The following SRD5A2 variants were observed in gnomAD, a reference collection of about 807,000 sequenced individuals.
The protein encoded by SRD5A2 is 3-oxo-5-alpha-steroid 4-dehydrogenase 2.
In SRD5A2, 30 loss-of-function variants were observed where a neutral mutation model predicts 27.4. The observed-to-expected ratio is 1.10, with a 90% CI of 0.82 to 1.49. The LOEUF (loss-of-function observed/expected upper bound fraction) is 1.49. Ranked by LOEUF, SRD5A2 falls within the 40% of genes most tolerant of loss-of-function variation. SRD5A2 has a pLI of 0.00. For missense variants in SRD5A2, 348 were observed against 323.4 expected, an observed-to-expected ratio of 1.08 and a Z score of -0.58; for synonymous variants, 141 against 133.6, an observed-to-expected ratio of 1.06 and a Z score of -0.38.
At chr2:31,627,335 T>C in the SRD5A2 span, among the ~76,000 whole-genome samples, 1 of 149,902 alleles carries the variant, frequency 6.7e-6, no homozygotes, top group Non-Finnish European at 1.5e-5. Flanking sequence ...TCTGATTGCA[T>C]TTAATTGCAT....
At chr2:31,587,406 A>AT in the SRD5A2 span, among the ~76,000 whole-genome samples, 4 of 152,224 alleles carry the variant, frequency 2.6e-5, no homozygotes, top group Non-Finnish European at 5.9e-5. Context: ...ATTACTGGGT[A>AT]TGTACCCAAA....
the SRD5A2 span, among the ~76,000 whole-genome samples, chr2:31,593,897 C>A: frequency 3.3e-5 from 5 of 152,128 alleles, no homozygotes; most frequent in Non-Finnish European, 5.9e-5. Context: ...TCTTTAGCCT[C>A]CTTAAACAAA....
chr2:31,553,231 G>A (rs766783634), intron 1 of SRD5A2, among the ~76,000 whole-genome samples: 11 of 151,928 alleles, frequency 7.2e-5, no homozygotes, highest in Non-Finnish European at 1.3e-4. Context: ...AGTTATAAGT[G>A]CAAAAGAAAA....
At chr2:31,662,542 GC>G in the SRD5A2 span, among the ~76,000 whole-genome samples, 1 of 152,076 alleles carries the variant, frequency 6.6e-6, no homozygotes, top group East Asian at 1.9e-4. Context: ...CTGATCTCAA[GC>G]TCCTGGGCTC....
chr2:31,627,734 T>A, the SRD5A2 span, among the ~76,000 whole-genome samples: 6 of 152,184 alleles, frequency 3.9e-5, no homozygotes, highest in African/African-American at 7.2e-5. Flanking sequence ...TACCTAGAAG[T>A]CATTCAGAAG....
rs1665752590 is a variant in SRD5A2, at chr2:31,525,296, T to A, written c.*900A>T. On this transcript the variant is annotated 3_prime_UTR_variant, in exon 5 of 5. Coordinates refer to ENST00000622030, the MANE Select transcript of SRD5A2 (RefSeq NM_000348.4). ...TGGTGGAGGCAAGCAGCATGTAACC[T>A]CATCATTAATTCTCTTTGTTTTACA... 1 of 224,390 alleles carries A rather than the reference T, an allele frequency of 4.5e-6. No homozygotes were observed. Among genetic ancestry groups the A allele is most frequent in the African/African-American group, 2.2e-5 (1 of 44,822 alleles). 13.9% of individuals were successfully genotyped at this position (224,390 alleles called of 1,614,324 possible).
chr2:31,538,885 A>G (rs1472201086), intron 1 of SRD5A2, among the ~76,000 whole-genome samples: 1 of 152,240 alleles, frequency 6.6e-6, no homozygotes, highest in African/African-American at 2.4e-5. Flanking sequence ...GAGAAATGTT[A>G]TCTATTTTGT....
At chr2:31,605,877 T>A in the SRD5A2 span, among the ~76,000 whole-genome samples, 1 of 151,724 alleles carries the variant, frequency 6.6e-6, no homozygotes, top group African/African-American at 2.4e-5. Flanking sequence ...GTTCATAATA[T>A]CCAAGAATTA....
At position 31,524,518 on chromosome 2, in the gene SRD5A2, C is replaced by T. The variant is rs545556311; in HGVS notation, c.*1678G>A. 3 of 230,256 alleles carry T rather than the reference C, an allele frequency of 1.3e-5. No individual in the cohort carries two copies. The highest frequency in any genetic ancestry group is 4.4e-5 in the African/African-American group (2 of 45,152). The allele number at this position is 230,256 out of a possible 1,614,324, so 14.3% of individuals were successfully genotyped here. A position where few individuals can be genotyped will look rare whatever the true frequency, so the allele number is the denominator to read the frequency against. ...GGGACAGGCGGGACAGGGAAGCACA[C>T]CCCAATACCTTGTGAAAATCTCCAG... is the stretch of plus-strand genomic sequence containing the variant. On this transcript the variant is annotated 3_prime_UTR_variant, in exon 5 of 5. Transcript: ENST00000622030.
chr2:31,603,744 G>A, the SRD5A2 span, among the ~76,000 whole-genome samples: 2 of 151,878 alleles, frequency 1.3e-5, no homozygotes, highest in South Asian at 4.1e-4. Flanking sequence ...TCGCATGCAA[G>A]GACATGAATG....
At chr2:31,592,756 C>A in the SRD5A2 span, among the ~76,000 whole-genome samples, 12 of 152,158 alleles carry the variant, frequency 7.9e-5, no homozygotes, top group Non-Finnish European at 1.5e-4. Context: ...TCAGAAGGAA[C>A]CAGAGATGAC....
At position 31,533,721 on chromosome 2, in the gene SRD5A2, A is replaced by G; in HGVS notation, c.327T>C (p.Ala109=). 2 of 1,600,410 alleles carry G rather than the reference A, an allele frequency of 1.2e-6. No individual in the cohort carries two copies. The highest frequency in any genetic ancestry group is 1.7e-6 in the Non-Finnish European group (2 of 1,173,360). ...AGGCAGTGCCTCTGAGAATGAGTAT[A>G]GCTGGATAAGGCCTCCCTCGATTGA... ...SLLNRGRPYP[A]ILILRGTAFC... Residue 109 remains alanine (A), a synonymous_variant, in exon 2 of 5, where the codon GCT becomes GCC. Transcript: ENST00000622030.
At chr2:31,642,699 ACATACT>A in the SRD5A2 span, among the ~76,000 whole-genome samples, 1 of 152,032 alleles carries the variant, frequency 6.6e-6, no homozygotes, top group Non-Finnish European at 1.5e-5. Flanking sequence ...AAGTCCACAA[ACATACT>A]CATACAAGAA....
At chr2:31,639,413 T>A in the SRD5A2 span, among the ~76,000 whole-genome samples, 3 of 152,132 alleles carry the variant, frequency 2.0e-5, no homozygotes, top group Non-Finnish European at 4.4e-5. Context: ...AGTGTGTCCA[T>A]GTACTTTATT....
chr2:31,526,093 T>TA lies in SRD5A2; in HGVS notation c.*102_*103insT. The TA allele has an allele frequency of 1.5e-6, 1 of 652,196 alleles. No individual in the cohort carries two copies. Among genetic ancestry groups the TA allele is most frequent in the African/African-American group, 2.4e-5 (1 of 41,060 alleles). 40.4% of individuals were successfully genotyped at this position (652,196 alleles called of 1,614,324 possible). On this transcript the variant is annotated 3_prime_UTR_variant, in exon 5 of 5. Coordinates refer to ENST00000622030, the MANE Select transcript of SRD5A2 (RefSeq NM_000348.4). ...TGGCAGAACGCCAGGAGACCTACTA[T>TA]TACATATATACGGGACTATTATATC...
At position 31,580,618 on chromosome 2, in the gene SRD5A2, AC is replaced by A. The variant is rs747326745; in HGVS notation, c.281+1del. ...TGGGCGCCCGCAAGGGAAAAACGCT[AC>A]CTGTGGAAGTAATGTAGGCAGAAGA... is the stretch of plus-strand genomic sequence containing the variant. On this transcript the variant is annotated splice_donor_variant, in intron 1 of 4. Transcript: ENST00000622030. LOFTEE classifies it high-confidence loss of function. The A allele has an allele frequency of 1.3e-6, 2 of 1,550,948 alleles. No homozygotes were observed. The highest frequency in any genetic ancestry group is 2.7e-5 in the African/African-American group (2 of 73,748).
intron 1 of SRD5A2, among the ~76,000 whole-genome samples, chr2:31,562,066 G>A (rs1666635343): frequency 6.6e-6 from 1 of 152,068 alleles, no homozygotes; most frequent in South Asian, 2.1e-4. Context: ...AGCAGCTAAG[G>A]ACATAACAGG....
chr2:31,656,732 G>A, the SRD5A2 span, among the ~76,000 whole-genome samples: 294 of 152,204 alleles, frequency 1.9e-3, no homozygotes, highest in African/African-American at 5.2e-3. Context: ...TCTCAGCCTC[G>A]AGAACTTTGA....
chr2:31,592,060 A>T, the SRD5A2 span, among the ~76,000 whole-genome samples: 1,188 of 151,550 alleles, frequency 7.8e-3, 13 homozygotes, highest in Middle Eastern at 0.068. Context: ...CACATTGTGC[A>T]CACGTACCCT....
Sources: allele counts gnomAD v4.1 joint callset (sites outside exome capture counted in the v4.1 genomes callset), GRCh38; gene constraint gnomAD v4.1.1; transcripts MANE v1.5; gene names NCBI Gene and HGNC (gene_info 2026-07-23, HGNC 2026-07-21).